The following NCAM1 variants were observed in gnomAD, a reference collection of about 807,000 sequenced individuals.
The protein encoded by NCAM1 is neural cell adhesion molecule 1.
A neutral mutation model predicts 109.8 loss-of-function variants in NCAM1; 14 were observed. The observed-to-expected ratio is 0.13, with a 90% CI of 0.08 to 0.20. The LOEUF is 0.20. Ranked by LOEUF, NCAM1 falls within the 10% of genes least tolerant of loss-of-function variation. NCAM1 has a pLI of 1.00. For synonymous variants in NCAM1, 418 were observed against 442.9 expected (o/e 0.94, Z 0.70); for missense variants, 774 against 1,109.9 (o/e 0.70, Z 4.30).
rs782554671 is a variant in NCAM1, at chr11:113,276,116, A to G, written c.*729A>G. On this transcript the variant is annotated 3_prime_UTR_variant, in exon 20 of 20. Transcript: ENST00000316851. Reference sequence around the variant, plus strand: ...CCAACTTTGTTTTCCAGTGTTTACAAGGTGACAAATGTTTGACTTTGGTTG... The same window carrying G: ...CCAACTTTGTTTTCCAGTGTTTACAGGGTGACAAATGTTTGACTTTGGTTG... 3 of 152,378 alleles carry G rather than the reference A, an allele frequency of 2.0e-5. No individual in the cohort carries two copies. The highest frequency in any genetic ancestry group is 4.4e-5 in the Non-Finnish European group (3 of 67,970). The allele number at this position is 152,378 out of a possible 1,614,324, so 9.4% of individuals were successfully genotyped here.
chr11:113,205,961 G>GA, intron 4 of NCAM1, 82 bp from the exon 5 acceptor site: 2 of 1,551,292 alleles, frequency 1.3e-6, no homozygotes, highest in Non-Finnish European at 1.8e-6. Context: ...CTGAAGTTAG[G>GA]AAAAAGGAAA....
chr11:113,202,307 T>A, intron 1 of NCAM1, 72 bp from the exon 2 acceptor site: 2 of 1,398,914 alleles, frequency 1.4e-6, no homozygotes, highest in Non-Finnish European at 1.9e-6. Flanking sequence ...AACATTGGAA[T>A]GTACGTTTGA....
At chr11:113,197,730 C>T (rs1943898483) in intron 1 of NCAM1, among the ~76,000 whole-genome samples, 1 of 152,192 alleles carries the variant, frequency 6.6e-6, no homozygotes, top group Non-Finnish European at 1.5e-5. Context: ...GTCAGCTCCT[C>T]CCTCCTCAAG....
Position 113,060,932 on chromosome 11 carries a change from G to A in NCAM1, c.52+99268G>A, listed in dbSNP as rs149614946. On this transcript the variant is annotated intron_variant, in intron 1 of 19. Transcript: ENST00000316851. ...AGAATGGTGGTTAAGAACACTTGAC[G>A]TAAGATCTGCTCTCTTAGCAGAGTT... Among the ~76,000 whole-genome samples the A allele has an allele frequency of 1.4e-3, 216 of 152,272 alleles. 1 individual carries two copies. Among genetic ancestry groups the A allele is most frequent in the African/African-American group, 4.1e-3 (169 of 41,548 alleles).
In NCAM1 at chr11:113,103,806, G is replaced by A. The variant is rs74597688; in HGVS notation, c.53-98573G>A. ...TTATAGCCCTGAAGTAACCGTGGGC[G>A]ATATGCAAATGAAGGGGCAGGGGTG... is the stretch of plus-strand genomic sequence containing the variant. On this transcript the variant is annotated intron_variant, in intron 1 of 19. Transcript: ENST00000316851. 5.8e-3 allele frequency among the ~76,000 whole-genome samples: 879 copies of A among 152,196 alleles called. 7 individuals are homozygous for A. The highest frequency in any genetic ancestry group is 0.02 in the African/African-American group (829 of 41,522).
At chr11:113,217,161 A>G (rs924786871) in intron 8 of NCAM1, among the ~76,000 whole-genome samples, 2 of 152,218 alleles carry the variant, frequency 1.3e-5, no homozygotes, top group Non-Finnish European at 2.9e-5. Flanking sequence ...GCACCTTTTG[A>G]GGTCATCCAG....
At chr11:113,066,234 A>G (rs1937951076) in intron 1 of NCAM1, among the ~76,000 whole-genome samples, 1 of 152,210 alleles carries the variant, frequency 6.6e-6, no homozygotes, top group Admixed American at 6.5e-5. Flanking sequence ...AAAAATCTGT[A>G]GGCAAGAAAT....
intron 14 of NCAM1, chr11:113,240,599 G>A (rs895496109): frequency 8.0e-5 from 50 of 622,226 alleles, no homozygotes; most frequent in East Asian, 1.9e-4. Flanking sequence ...AAGGTTTGAC[G>A]TTAGAGAGAG....
intron 1 of NCAM1, among the ~76,000 whole-genome samples, chr11:113,084,955 C>T (rs1939010984): frequency 6.6e-6 from 1 of 152,230 alleles, no homozygotes; most frequent in African/African-American, 2.4e-5. Context: ...TGATGACAGT[C>T]TCACTGACCA....
chr11:113,166,771 C>CAA (rs373251794), intron 1 of NCAM1, among the ~76,000 whole-genome samples: 3 of 150,598 alleles, frequency 2.0e-5, no homozygotes, highest in South Asian at 4.2e-4. Context: ...CACACACACA[C>CAA]AAAAAAAAAC....
chr11:113,203,015 C>T (rs1165920011), intron 2 of NCAM1, among the ~76,000 whole-genome samples: 1 of 152,186 alleles, frequency 6.6e-6, no homozygotes, highest in Non-Finnish European at 1.5e-5. Flanking sequence ...ATATGCCAGA[C>T]CTGGTGACCT....
At chr11:112,982,994 G>A (rs1038511754) in intron 1 of NCAM1, among the ~76,000 whole-genome samples, 5 of 151,874 alleles carry the variant, frequency 3.3e-5, no homozygotes, top group African/African-American at 7.2e-5. Flanking sequence ...GACCAGGAAC[G>A]GAACTTAGCC....
intron 1 of NCAM1, among the ~76,000 whole-genome samples, chr11:113,171,470 A>G (rs1450735245): frequency 3.3e-5 from 5 of 152,122 alleles, no homozygotes; most frequent in African/African-American, 1.2e-4. Context: ...CGTTTCTACT[A>G]AAAATACAAA....
intron 1 of NCAM1, among the ~76,000 whole-genome samples, chr11:113,078,854 A>C (rs1555086630): frequency 6.6e-6 from 1 of 152,122 alleles, no homozygotes; most frequent in East Asian, 1.9e-4. Context: ...TTATTAGGAA[A>C]TTGAGATGAT....
At chr11:113,020,516 A>G (rs1952350944) in intron 1 of NCAM1, among the ~76,000 whole-genome samples, 1 of 152,108 alleles carries the variant, frequency 6.6e-6, no homozygotes, top group Non-Finnish European at 1.5e-5. Context: ...ATATTTTGTT[A>G]TATTTTTACT....
chr11:113,020,118 A>G (rs1283170540), intron 1 of NCAM1, among the ~76,000 whole-genome samples: 8 of 151,864 alleles, frequency 5.3e-5, no homozygotes, highest in Admixed American at 5.2e-4. Flanking sequence ...GTTCACTTTA[A>G]CCCCTTACTT....
intron 1 of NCAM1, among the ~76,000 whole-genome samples, chr11:113,062,144 G>A (rs1166637886): frequency 1.3e-5 from 2 of 152,288 alleles, no homozygotes; most frequent in Admixed American, 6.5e-5. Flanking sequence ...TACCACTAGC[G>A]ATGTTTAGTA....
Position 113,260,289 on chromosome 11 carries a change from G to A in NCAM1, c.2097G>A (p.Val699=). 6.2e-7 allele frequency: 1 copy of A among 1,613,880 alleles called. No homozygotes were observed. ...QQGKSKAAHF[V]FRTSAQPTAI... is the part of the protein sequence containing the mutation. ...GAAAATCCAAGGCGGCTCATTTTGT[G>A]TTCAGGACCTCGGCCCAGCCCACAG... Residue 699 remains valine, a synonymous_variant, in exon 17 of 20, where the codon GTG becomes GTA. Transcript: ENST00000316851.
intron 15 of NCAM1, among the ~76,000 whole-genome samples, chr11:113,254,491 A>G (rs1297043505): frequency 6.6e-6 from 1 of 152,206 alleles, no homozygotes; most frequent in Admixed American, 6.5e-5. Context: ...CGCCCAGGTG[A>G]TCAGCATGCT....
Sources: gnomAD v4.1 joint callset for allele counts (sites outside exome capture counted in the v4.1 genomes callset) on GRCh38, gnomAD v4.1.1 for gene constraint, MANE v1.5 for transcripts, NCBI Gene and HGNC (gene_info 2026-07-23, HGNC 2026-07-21) for gene names.